The following SPNS2 variants were observed in gnomAD, a reference collection of about 807,000 sequenced individuals.
The protein encoded by SPNS2 is SPNS lysolipid transporter 2, sphingosine-1-phosphate.
Under a neutral mutation model 57.6 loss-of-function variants are expected in SPNS2, and 37 were observed. That is an observed-to-expected ratio of 0.64 (90% CI 0.49 to 0.85). The LOEUF (loss-of-function observed/expected upper bound fraction) is 0.85, where lower values mean the gene tolerates loss of function less well. Among genes scored for constraint, SPNS2 ranks in the 40% least tolerant of loss-of-function variants. The pLI, the probability that SPNS2 is intolerant of heterozygous loss-of-function variation, is 0.00. For missense variants in SPNS2, 831 were observed against 779.1 expected (o/e 1.07, Z -0.79); for synonymous variants, 440 against 346.9 (o/e 1.27, Z -2.98).
chr17:4,537,021 T>C (rs1567598613), intron 12 of SPNS2, 75 bp downstream of exon 12: 2 of 1,522,844 alleles, frequency 1.3e-6, no homozygotes, highest in East Asian at 4.6e-5. Context: ...CAGGGAGCAC[T>C]TTTCCTCCAG....
intron 2 of SPNS2, among the ~76,000 whole-genome samples, chr17:4,513,740 T>C (rs1430896289): frequency 6.6e-6 from 1 of 152,110 alleles, no homozygotes; most frequent in African/African-American, 2.4e-5. Flanking sequence ...TTCCTTCCAA[T>C]ATCATCAACC....
At position 4,499,556 on chromosome 17, in the gene SPNS2, G is replaced by C; in HGVS notation, c.370+139G>C. 2.0e-6 allele frequency: 1 copy of C among 497,334 alleles called. No individual in the cohort carries two copies. Among genetic ancestry groups the C allele is most frequent in the South Asian group, 4.7e-5 (1 of 21,100 alleles). 30.8% of individuals were successfully genotyped at this position (497,334 alleles called of 1,614,324 possible). ...TACGTGAGGTCCCTACGGACCCTCT[G>C]CTCAGGCACAACTGGGCAAGGGATG... On this transcript the variant is annotated intron_variant, in intron 1 of 12. Transcript: ENST00000329078. This position sits in a 1 kb window ranked among gnomAD's most constrained non-coding sequence, Gnocchi z 5.2.
Position 4,512,343 on chromosome 17 carries a change from G to T in SPNS2, c.371-904G>T, listed in dbSNP as rs1904850307. ...GGGTTGTGCTTACTCAGGAGCCCTG[G>T]CTGAGTGCTGCGAGGGGTAGGAGGT... On this transcript the variant is annotated intron_variant, in intron 1 of 12. Transcript: ENST00000329078. This position sits in a 1 kb window ranked among gnomAD's most constrained non-coding sequence, Gnocchi z 5.2. 1.3e-5 allele frequency among the ~76,000 whole-genome samples: 2 copies of T among 152,140 alleles called. No individual in the cohort carries two copies. Among genetic ancestry groups the T allele is most frequent in the Admixed American group, 1.3e-4 (2 of 15,280 alleles).
chr17:4,523,009 T>C (rs1371709826), intron 2 of SPNS2, among the ~76,000 whole-genome samples: 1 of 152,250 alleles, frequency 6.6e-6, no homozygotes, highest in African/African-American at 2.4e-5. Flanking sequence ...CCAGCCTCTT[T>C]CCTGCTCCTC....
Position 4,533,228 on chromosome 17 carries a change from C to A in SPNS2, c.1089-15C>A. The A allele has an allele frequency of 6.3e-7, 1 of 1,589,600 alleles. No individual in the cohort carries two copies. Among genetic ancestry groups the A allele is most frequent in the South Asian group, 1.1e-5 (1 of 88,444 alleles). ...GCCGCCTCAACTCGTGCGCCACCAT[C>A]CTCTGTCCCCACAGCCTCATCTTTG... On this transcript the variant is annotated splice_polypyrimidine_tract_variant and intron_variant, in intron 7 of 12. Coordinates refer to ENST00000329078, the MANE Select transcript of SPNS2 (RefSeq NM_001124758.3).
chr17:4,517,651 C>G (rs1025629058), intron 2 of SPNS2, among the ~76,000 whole-genome samples: 2 of 151,444 alleles, frequency 1.3e-5, no homozygotes, highest in Non-Finnish European at 2.9e-5. Flanking sequence ...ACCAAGACTC[C>G]GTCTCAAAAA....
At position 4,499,002 on chromosome 17, in the gene SPNS2, G is replaced by A. The variant is rs1904358542; in HGVS notation, c.-46G>A. 1 of 982,860 alleles carries A rather than the reference G, an allele frequency of 1.0e-6. No individual in the cohort carries two copies. Among genetic ancestry groups the A allele is most frequent in the Non-Finnish European group, 1.2e-6 (1 of 827,286 alleles). 60.9% of individuals were successfully genotyped at this position (982,860 alleles called of 1,614,324 possible). ...CGCACGCGCTGAGCGGGCCCAGCCT[G>A]GGCCCCGCGCCCCCCGCGCCCCCCG... On this transcript the variant is annotated 5_prime_UTR_variant, in exon 1 of 13. Coordinates refer to ENST00000329078, the MANE Select transcript of SPNS2 (RefSeq NM_001124758.3). This position sits in a 1 kb window ranked among gnomAD's most constrained non-coding sequence, Gnocchi z 5.2.
intron 2 of SPNS2, among the ~76,000 whole-genome samples, chr17:4,515,334 G>A (rs1904957499): frequency 6.6e-6 from 1 of 152,334 alleles, no homozygotes; most frequent in Admixed American, 6.5e-5. Context: ...CCCAAGACAG[G>A]GAAATGGCTT....
At chr17:4,504,712 G>A (rs965427044) in intron 1 of SPNS2, among the ~76,000 whole-genome samples, 2 of 152,144 alleles carry the variant, frequency 1.3e-5, no homozygotes, top group African/African-American at 4.8e-5. Flanking sequence ...ACACTGGCCC[G>A]ATCCCTAGGC....
At chr17:4,513,794 G>A (rs113320763) in intron 2 of SPNS2, among the ~76,000 whole-genome samples, 2 of 152,336 alleles carry the variant, frequency 1.3e-5, no homozygotes, top group South Asian at 2.1e-4. Flanking sequence ...ACTCCAGCTA[G>A]TCAGCCCCAG....
intron 1 of SPNS2, among the ~76,000 whole-genome samples, chr17:4,508,197 G>T (rs546815597): frequency 1.3e-5 from 2 of 152,318 alleles, no homozygotes; most frequent in East Asian, 3.9e-4. Context: ...CCCTAGAGGT[G>T]AGGCAGGTCT....
Position 4,499,298 on chromosome 17 carries a change from C to CA in SPNS2, c.254dup (p.Gly88ArgfsTer63). 6.7e-7 allele frequency: 1 copy of CA among 1,495,140 alleles called. No individual in the cohort carries two copies. Among genetic ancestry groups the CA allele is most frequent in the South Asian group, 1.3e-5 (1 of 79,884 alleles). The allele number at this position is 1,495,140 out of a possible 1,614,324, so 92.6% of individuals were successfully genotyped here. A position where few individuals can be genotyped will look rare whatever the true frequency, so the allele number is the denominator to read the frequency against. On this transcript the variant is annotated frameshift_variant, in exon 1 of 13. Transcript: ENST00000329078. LOFTEE classifies it high-confidence loss of function. This position sits in a 1 kb window ranked among gnomAD's most constrained non-coding sequence, Gnocchi z 5.2. ...GGCACCCCCGGCTGCGCAGCTACTGCAAAGGGCCCCGGCGCTCAGCAGCCC... is the reference window on the plus strand; with the variant it reads ...GGCACCCCCGGCTGCGCAGCTACTGCAAAAGGGCCCCGGCGCTCAGCAGCCC...
intron 5 of SPNS2, among the ~76,000 whole-genome samples, chr17:4,531,781 G>A (rs543116695): frequency 3.3e-5 from 5 of 151,994 alleles, no homozygotes; most frequent in Admixed American, 1.3e-4. Flanking sequence ...AGTGTTCTGC[G>A]GGGCTGGTGA....
At chr17:4,513,222 T>C in intron 1 of SPNS2, 25 bp from the exon 2 acceptor site, 2 of 1,613,114 alleles carry the variant, frequency 1.2e-6, no homozygotes. Flanking sequence ...ACTCGGCCAG[T>C]GAGCACCCTC....
In SPNS2 at chr17:4,537,569, A is replaced by C. The variant is rs867516624; in HGVS notation, c.*121A>C. On this transcript the variant is annotated 3_prime_UTR_variant, in exon 13 of 13. Coordinates refer to ENST00000329078, the MANE Select transcript of SPNS2 (RefSeq NM_001124758.3). ...CTGTGTGATCCACGGCTAGGCACCC[A>C]CCCTCTCTGGCCCAGGCCTGCTGAG... 5 of 456,710 alleles carry C rather than the reference A, an allele frequency of 1.1e-5. No homozygotes were observed. In the Middle Eastern group the frequency reaches 9.8e-4, roughly 89 times the overall value. 28.3% of individuals were successfully genotyped at this position (456,710 alleles called of 1,614,324 possible). A position where few individuals can be genotyped will look rare whatever the true frequency, so the allele number is the denominator to read the frequency against.
In SPNS2 at chr17:4,499,440, C is replaced by T; in HGVS notation, c.370+23C>T. On this transcript the variant is annotated intron_variant, in intron 1 of 12. Transcript: ENST00000329078. The surrounding 1 kb of genome is among the most constrained non-coding windows in gnomAD (Gnocchi z 5.2). ...CAGGTGAGCGAGTGCCCCACCCAGC[C>T]CGAGGACCAAGACCCCACCCCATCC... is the stretch of plus-strand genomic sequence containing the variant. 1 of 1,297,968 alleles carries T rather than the reference C, an allele frequency of 7.7e-7. No homozygotes were observed. Among genetic ancestry groups the T allele is most frequent in the Non-Finnish European group, 9.8e-7 (1 of 1,016,890 alleles). The allele number at this position is 1,297,968 out of a possible 1,614,324, so 80.4% of individuals were successfully genotyped here.
intron 11 of SPNS2, 73 bp downstream of exon 11, chr17:4,536,499 C>T: frequency 2.0e-6 from 3 of 1,514,984 alleles, no homozygotes; most frequent in Non-Finnish European, 2.7e-6. Context: ...GTGAGCCCTG[C>T]CCTGGGGTGG....
At chr17:4,516,346 A>G (rs1369203645) in intron 2 of SPNS2, among the ~76,000 whole-genome samples, 1 of 148,508 alleles carries the variant, frequency 6.7e-6, no homozygotes, top group Non-Finnish European at 1.5e-5. Context: ...AAAAAAAACA[A>G]AAAAACCGCT....
At chr17:4,536,646 G>A (rs954787502) in intron 11 of SPNS2, 11 of 678,834 alleles carry the variant, frequency 1.6e-5, no homozygotes, top group Middle Eastern at 4.1e-4. Context: ...ACTTGGGTTT[G>A]TCTCTGGACT....
Sources: allele counts gnomAD v4.1 joint callset (sites outside exome capture counted in the v4.1 genomes callset), GRCh38; gene constraint gnomAD v4.1.1; non-coding constraint Gnocchi (gnomAD v3.1); transcripts MANE v1.5; gene names NCBI Gene and HGNC (gene_info 2026-07-23, HGNC 2026-07-21).